TMEM74: variants seen among roughly 807,000 people sequenced by gnomAD.
TMEM74 encodes transmembrane protein 74.
TMEM74 carries 13 observed loss-of-function variants against 18.1 expected under a neutral mutation model. The observed-to-expected ratio is 0.72, with a 90% CI of 0.47 to 1.14. TMEM74 has a LOEUF of 1.14. TMEM74 is among the 50% of genes most tolerant of loss of function. The pLI, the probability that TMEM74 is intolerant of heterozygous loss-of-function variation, is 0.00. For synonymous variants in TMEM74, 159 were observed against 146.6 expected (o/e 1.08, Z -0.61); for missense variants, 372 against 375.9 (o/e 0.99, Z 0.09).
At chr8:108,744,900 C>G (rs1370146684) in intron 1 of TMEM74, among the ~76,000 whole-genome samples, 1 of 152,128 alleles carries the variant, frequency 6.6e-6, no homozygotes, top group Non-Finnish European at 1.5e-5. Context: ...ATGTTGCTAA[C>G]AGCTATTCAT....
intron 1 of TMEM74, among the ~76,000 whole-genome samples, chr8:108,706,911 G>C (rs1437915941): frequency 6.6e-6 from 1 of 151,988 alleles, no homozygotes; most frequent in Non-Finnish European, 1.5e-5. Context: ...GCAGTAGATG[G>C]ATAGAGAATG....
intron 1 of TMEM74, among the ~76,000 whole-genome samples, chr8:108,695,982 C>T (rs1026277171): frequency 4.6e-5 from 7 of 152,084 alleles, no homozygotes; most frequent in African/African-American, 1.4e-4. Flanking sequence ...TCACCTACTC[C>T]GAATAATCTA....
intron 1 of TMEM74, among the ~76,000 whole-genome samples, chr8:108,660,801 C>T (rs983969760): frequency 6.6e-6 from 1 of 152,002 alleles, no homozygotes; most frequent in Non-Finnish European, 1.5e-5. Flanking sequence ...TAACTCAGTT[C>T]ACTGGGAGAA....
At chr8:108,715,226 A>T (rs541170606) in intron 1 of TMEM74, among the ~76,000 whole-genome samples, 10 of 151,996 alleles carry the variant, frequency 6.6e-5, no homozygotes, top group Non-Finnish European at 1.3e-4. Context: ...GCTAAATATC[A>T]GGTACTTATG....
At chr8:108,766,233 TTC>T (rs1427328325) in intron 1 of TMEM74, among the ~76,000 whole-genome samples, 3 of 152,110 alleles carry the variant, frequency 2.0e-5, no homozygotes, top group Non-Finnish European at 4.4e-5. Flanking sequence ...CCTTTCTTCT[TTC>T]TTTCTCTCTC....
At chr8:108,699,183 T>C (rs56133638) in intron 1 of TMEM74, among the ~76,000 whole-genome samples, 9 of 70,464 alleles carry the variant, frequency 1.3e-4, no homozygotes, top group Middle Eastern at 6.9e-3. Flanking sequence ...CTTCCTTCCT[T>C]CCTCCCTCCC....
chr8:108,760,913 A>G (rs1269637544), intron 1 of TMEM74, among the ~76,000 whole-genome samples: 1 of 151,984 alleles, frequency 6.6e-6, no homozygotes, highest in Non-Finnish European at 1.5e-5. Context: ...GTCAGTTAAA[A>G]GGGCCTCCTC....
chr8:108,637,371 C>A (rs1253523169), intron 2 of TMEM74, among the ~76,000 whole-genome samples: 1 of 152,032 alleles, frequency 6.6e-6, no homozygotes, highest in Non-Finnish European at 1.5e-5. Flanking sequence ...ATGCCCACTT[C>A]CTAATCTCTG....
At chr8:108,778,507 A>G (rs1437147940), downstream of TMEM74, among the ~76,000 whole-genome samples, 2 of 152,236 alleles carry the variant, frequency 1.3e-5, no homozygotes, top group Non-Finnish European at 2.9e-5. Flanking sequence ...CTAGAAAAAA[A>G]CAGATATCGA....
chr8:108,736,194 C>T (rs1399572309), intron 1 of TMEM74, among the ~76,000 whole-genome samples: 9 of 152,122 alleles, frequency 5.9e-5, no homozygotes, highest in African/African-American at 2.2e-4. Flanking sequence ...CTAGCATCAC[C>T]ATTGACTGTT....
intron 2 of TMEM74, among the ~76,000 whole-genome samples, chr8:108,624,502 T>A (rs1812475605): frequency 6.6e-6 from 1 of 152,104 alleles, no homozygotes; most frequent in Non-Finnish European, 1.5e-5. Flanking sequence ...TTAAAGAAAA[T>A]TTGTGGATTC....
chr8:108,739,486 T>TTAC (rs1813778734), intron 1 of TMEM74, among the ~76,000 whole-genome samples: 1 of 152,218 alleles, frequency 6.6e-6, no homozygotes. Flanking sequence ...TACTTTATCG[T>TTAC]TACTCTCATC....
intron 1 of TMEM74, among the ~76,000 whole-genome samples, chr8:108,656,490 T>C (rs1181322862): frequency 6.6e-6 from 1 of 152,170 alleles, no homozygotes; most frequent in Non-Finnish European, 1.5e-5. Flanking sequence ...CCACATAGAG[T>C]TACTCTTCAC....
intron 1 of TMEM74, among the ~76,000 whole-genome samples, chr8:108,724,272 A>G (rs1478900389): frequency 6.6e-6 from 1 of 152,100 alleles, no homozygotes; most frequent in Non-Finnish European, 1.5e-5. Context: ...ATTCTATTCC[A>G]GTTACTGGTT....
At chr8:108,725,729 A>T (rs1477362002) in intron 1 of TMEM74, among the ~76,000 whole-genome samples, 1 of 152,184 alleles carries the variant, frequency 6.6e-6, no homozygotes, top group Non-Finnish European at 1.5e-5. Context: ...GGGTCAAGAG[A>T]AGCTTTCTGT....
At chr8:108,750,500 T>C (rs1813893452) in intron 1 of TMEM74, among the ~76,000 whole-genome samples, 1 of 152,074 alleles carries the variant, frequency 6.6e-6, no homozygotes. Flanking sequence ...GTTTGGCAGT[T>C]ATGACATTGT....
At chr8:108,700,578 T>C (rs1813325669) in intron 1 of TMEM74, among the ~76,000 whole-genome samples, 1 of 152,132 alleles carries the variant, frequency 6.6e-6, no homozygotes, top group Non-Finnish European at 1.5e-5. Context: ...GCATGGCCAG[T>C]GTTGATCAAC....
intron 1 of TMEM74, among the ~76,000 whole-genome samples, chr8:108,666,582 G>T (rs908236479): frequency 2.6e-5 from 4 of 152,132 alleles, no homozygotes; most frequent in African/African-American, 4.8e-5. Context: ...CAAGACTCAT[G>T]CTAATGTACC....
chr8:108,619,467 A>G (rs1812418253), intron 2 of TMEM74, among the ~76,000 whole-genome samples: 2 of 152,210 alleles, frequency 1.3e-5, no homozygotes, highest in Admixed American at 1.3e-4. Flanking sequence ...TCCAGTCACC[A>G]AAGAAGTGCA....
Sources: gnomAD v4.1 joint callset for allele counts (sites outside exome capture counted in the v4.1 genomes callset) on GRCh38, gnomAD v4.1.1 for gene constraint, MANE v1.5 for transcripts, NCBI Gene and HGNC (gene_info 2026-07-23, HGNC 2026-07-21) for gene names.